Variants in TNS3 observed in about 807,000 individuals in gnomAD.
TNS3 encodes tensin 3, also known as tensin-3.
A neutral mutation model predicts 140.9 loss-of-function variants in TNS3; 45 were observed. The observed-to-expected ratio is 0.32, with a 90% CI of 0.25 to 0.41. The LOEUF is 0.41. TNS3 is among the 10% of genes least tolerant of loss of function. TNS3 has a pLI of 1.00. For synonymous variants in TNS3, 815 were observed against 788.4 expected (o/e 1.03, Z -0.56); for missense variants, 1,716 against 1,906.7 (o/e 0.90, Z 1.86).
intron 1 of TNS3, among the ~76,000 whole-genome samples, chr7:47,539,828 G>T (rs181197880): frequency 2.7e-3 from 413 of 152,296 alleles, no homozygotes; most frequent in Non-Finnish European, 4.1e-3. Context: ...GTGCAGGAAT[G>T]AAAACATTCT....
At chr7:47,350,715 A>G (rs1449371460) in intron 17 of TNS3, among the ~76,000 whole-genome samples, 1 of 152,218 alleles carries the variant, frequency 6.6e-6, no homozygotes, top group Non-Finnish European at 1.5e-5. Context: ...CCAGAATGAA[A>G]TAAGAACAAC....
chr7:47,280,664 A>G (rs984297145), intron 28 of TNS3, among the ~76,000 whole-genome samples: 4 of 152,188 alleles, frequency 2.6e-5, no homozygotes, highest in Admixed American at 2.6e-4. Flanking sequence ...CTGTAATCCC[A>G]GCACTTTGGG....
chr7:47,373,927 G>C (rs193064180), intron 16 of TNS3, among the ~76,000 whole-genome samples: 1 of 152,178 alleles, frequency 6.6e-6, no homozygotes, highest in South Asian at 2.1e-4. Flanking sequence ...AGGATCTGAA[G>C]GTAGAAGAGC....
intron 2 of TNS3, among the ~76,000 whole-genome samples, chr7:47,518,372 C>T (rs1798850795): frequency 6.6e-6 from 1 of 152,290 alleles, no homozygotes; most frequent in Admixed American, 6.5e-5. Context: ...TTGCTGTTCT[C>T]ACTCTCCTCA....
chr7:47,463,529 C>T (rs189091496), intron 4 of TNS3, among the ~76,000 whole-genome samples: 167 of 152,314 alleles, frequency 1.1e-3, no homozygotes, highest in Middle Eastern at 3.4e-3. Flanking sequence ...CTAACACATG[C>T]GCTTTCTCCA....
At chr7:47,471,763 A>G (rs1270625739) in intron 4 of TNS3, among the ~76,000 whole-genome samples, 2 of 152,216 alleles carry the variant, frequency 1.3e-5, no homozygotes, top group East Asian at 3.8e-4. Flanking sequence ...TCCACTGGGT[A>G]CCAGCTCCTC....
rs188492033 is a variant in TNS3, at chr7:47,294,682, T to C, written c.3677-854A>G. On this transcript the variant is annotated intron_variant, in intron 24 of 30. Transcript: ENST00000311160. ...TTGGTCCCCAGTGCCTTGCCCACAG[T>C]AGGCTTCCAAAAGATGTTTATAAAC... Among the ~76,000 whole-genome samples the C allele has an allele frequency of 5.1e-4, 78 of 152,348 alleles. 1 individual carries two copies. Among genetic ancestry groups the C allele is most frequent in the Middle Eastern group, 6.8e-3 (2 of 294 alleles).
rs373042142 is a variant in TNS3 at position 47,369,557 on chromosome 7, C to G, written c.1089G>C (p.Ser363=). The part of the protein sequence containing the change: ...LYAKVRKKSS[S]DPGIPGGPQA... ...GGGGGCCACCTGGGATGCCAGGATC[C>G]GAGGAGCTTTTCTTCCTCACCTTCG... The change falls in exon 17 of 31, where the codon TCG becomes TCC. Residue 363 remains serine, a synonymous_variant. Coordinates refer to ENST00000311160, the MANE Select transcript of TNS3 (RefSeq NM_022748.12). 10 of 1,611,658 alleles carry G rather than the reference C, an allele frequency of 6.2e-6. No individual in the cohort carries two copies. The Admixed American group carries it at 6.7e-5, about 11-fold the overall frequency.
At chr7:47,476,672 A>G (rs935942060) in intron 4 of TNS3, among the ~76,000 whole-genome samples, 1 of 151,946 alleles carries the variant, frequency 6.6e-6, no homozygotes, top group African/African-American at 2.4e-5. Context: ...CTTAGTCTAC[A>G]CCCTCCATAA....
At chr7:47,554,417 CAAAA>C (rs757352132) in intron 1 of TNS3, among the ~76,000 whole-genome samples, 1 of 64,004 alleles carries the variant, frequency 1.6e-5, no homozygotes, top group Non-Finnish European at 3.4e-5. Flanking sequence ...GACTCCATCT[CAAAA>C]AAAAAAACAA....
At chr7:47,472,597 G>A (rs533430786) in intron 4 of TNS3, among the ~76,000 whole-genome samples, 13 of 152,276 alleles carry the variant, frequency 8.5e-5, no homozygotes, top group Admixed American at 5.2e-4. Flanking sequence ...CCTACACACA[G>A]GCCTTATGGT....
chr7:47,324,985 A>G (rs1787949800), intron 20 of TNS3, among the ~76,000 whole-genome samples: 1 of 152,008 alleles, frequency 6.6e-6, no homozygotes, highest in Admixed American at 6.6e-5. Context: ...GTGATGATAA[A>G]TCTAGTAGGC....
At chr7:47,522,252 T>C (rs1799008660) in intron 2 of TNS3, among the ~76,000 whole-genome samples, 1 of 152,240 alleles carries the variant, frequency 6.6e-6, no homozygotes, top group South Asian at 2.1e-4. Context: ...TTTGCAGGCC[T>C]AGGGCTCTCG....
intron 2 of TNS3, among the ~76,000 whole-genome samples, chr7:47,516,146 T>C (rs1007868433): frequency 3.9e-5 from 6 of 152,262 alleles, no homozygotes; most frequent in African/African-American, 1.4e-4. Context: ...ATATGTGAAT[T>C]ATTAGTAGAG....
At chr7:47,429,634 T>C (rs1794831718) in intron 8 of TNS3, among the ~76,000 whole-genome samples, 1 of 152,178 alleles carries the variant, frequency 6.6e-6, no homozygotes, top group Admixed American at 6.5e-5. Flanking sequence ...CCCAAAGTGC[T>C]GGGACTATGG....
At chr7:47,513,532 A>G (rs1798677883) in intron 2 of TNS3, among the ~76,000 whole-genome samples, 1 of 152,280 alleles carries the variant, frequency 6.6e-6, no homozygotes, top group African/African-American at 2.4e-5. Context: ...TTTGCTAAGT[A>G]AACAGAAATG....
intron 1 of TNS3, among the ~76,000 whole-genome samples, chr7:47,571,570 G>A (rs1252241999): frequency 6.6e-6 from 1 of 152,114 alleles, no homozygotes; most frequent in African/African-American, 2.4e-5. Context: ...GAAAGGAGAG[G>A]CAGTACCTCC....
At chr7:47,349,366 C>T (rs1191741363) in intron 17 of TNS3, among the ~76,000 whole-genome samples, 1 of 152,220 alleles carries the variant, frequency 6.6e-6, no homozygotes, top group African/African-American at 2.4e-5. Context: ...CATGCCTCTC[C>T]CTCTGGATGG....
chr7:47,519,244 T>G (rs1310144720), intron 2 of TNS3, among the ~76,000 whole-genome samples: 2 of 133,962 alleles, frequency 1.5e-5, no homozygotes, highest in Non-Finnish European at 3.2e-5. Flanking sequence ...CTGCCCCCCA[T>G]TTAAGATATC....
Sources: allele counts gnomAD v4.1 joint callset (sites outside exome capture counted in the v4.1 genomes callset), GRCh38; gene constraint gnomAD v4.1.1; transcripts MANE v1.5; gene names NCBI Gene and HGNC (gene_info 2026-07-23, HGNC 2026-07-21).